The following LRIG1 variants were observed in gnomAD, a reference collection of about 807,000 sequenced individuals.
The protein encoded by LRIG1 is leucine rich repeats and immunoglobulin like domains 1, also known as leucine-rich repeats and immunoglobulin-like domains protein 1.
In LRIG1, 48 loss-of-function variants were observed where a neutral mutation model predicts 99.2. That is an observed-to-expected ratio of 0.48 (90% CI 0.38 to 0.62). LRIG1 has a LOEUF of 0.62. LRIG1 is among the 20% of genes least tolerant of loss of function. The pLI is 0.00. For missense variants in LRIG1, 1,646 were observed against 1,434.4 expected, an observed-to-expected ratio of 1.15 and a Z score of -2.38; for synonymous variants, 772 against 596.1, an observed-to-expected ratio of 1.29 and a Z score of -4.30.
intron 5 of LRIG1, among the ~76,000 whole-genome samples, chr3:66,414,335 T>G (rs528536164): frequency 6.6e-6 from 1 of 151,974 alleles, no homozygotes; most frequent in Non-Finnish European, 1.5e-5. Context: ...GGGCGGAGCT[T>G]GCAGTGAGCT....
intron 2 of LRIG1, among the ~76,000 whole-genome samples, chr3:66,456,223 G>C (rs564806147): frequency 8.0e-4 from 122 of 152,276 alleles, no homozygotes; most frequent in African/African-American, 2.8e-3. Context: ...GGTTTTGGGA[G>C]GATCCAGCTG....
At chr3:66,472,845 T>G (rs1038484485) in intron 1 of LRIG1, among the ~76,000 whole-genome samples, 1 of 152,180 alleles carries the variant, frequency 6.6e-6, no homozygotes, top group Non-Finnish European at 1.5e-5. Flanking sequence ...TTCTAAACAC[T>G]CTTGTCTAGG....
At chr3:66,442,318 G>A (rs1251035488) in intron 3 of LRIG1, among the ~76,000 whole-genome samples, 2 of 152,182 alleles carry the variant, frequency 1.3e-5, no homozygotes, top group African/African-American at 4.8e-5. Flanking sequence ...GACACAATAG[G>A]CCCTGCCTTC....
chr3:66,444,212 G>A (rs564662635), intron 3 of LRIG1, among the ~76,000 whole-genome samples: 27 of 152,312 alleles, frequency 1.8e-4, no homozygotes, highest in African/African-American at 3.6e-4. Context: ...CTCACGAAGC[G>A]CTCTCCACCT....
chr3:66,396,550 G>C (rs552156996), intron 11 of LRIG1, among the ~76,000 whole-genome samples: 54 of 152,338 alleles, frequency 3.5e-4, no homozygotes, highest in African/African-American at 1.3e-3. Context: ...CACAGGGCCG[G>C]CTCCAGCGAG....
intron 2 of LRIG1, among the ~76,000 whole-genome samples, chr3:66,453,154 C>A (rs1703962084): frequency 6.6e-6 from 1 of 152,202 alleles, no homozygotes; most frequent in Admixed American, 6.5e-5. Flanking sequence ...CCTATTATTA[C>A]AAGAGACCCC....
At chr3:66,388,799 T>C (rs1701501113) in intron 12 of LRIG1, among the ~76,000 whole-genome samples, 1 of 152,230 alleles carries the variant, frequency 6.6e-6, no homozygotes. Context: ...CCGATGTTTT[T>C]ATTTTAAACA....
intron 3 of LRIG1, among the ~76,000 whole-genome samples, chr3:66,419,157 G>A (rs77582469): frequency 0.011 from 1,699 of 152,248 alleles, 43 homozygotes; most frequent in African/African-American, 0.038. Context: ...GGGCGCCACC[G>A]GCCCAGAAAG....
At chr3:66,462,325 T>A in intron 2 of LRIG1, 113 bp downstream of exon 2, 1 of 752,222 alleles carries the variant, frequency 1.3e-6, no homozygotes, top group Non-Finnish European at 2.4e-6. Flanking sequence ...AAATGTTCCT[T>A]CCTACAAGTT....
At chr3:66,470,028 G>A (rs1700561164) in intron 1 of LRIG1, among the ~76,000 whole-genome samples, 1 of 152,152 alleles carries the variant, frequency 6.6e-6, no homozygotes, top group South Asian at 2.1e-4. Flanking sequence ...TACAAAGCTG[G>A]GCTGCAGGGA....
intron 3 of LRIG1, among the ~76,000 whole-genome samples, chr3:66,437,139 C>T (rs1024323361): frequency 4.6e-5 from 7 of 152,242 alleles, no homozygotes; most frequent in Admixed American, 6.5e-5. Context: ...GGTGGCATCT[C>T]CCAGCATGGG....
At chr3:66,399,904 C>T (rs1264088778) in intron 9 of LRIG1, among the ~76,000 whole-genome samples, 1 of 152,236 alleles carries the variant, frequency 6.6e-6, no homozygotes, top group Non-Finnish European at 1.5e-5. Flanking sequence ...GCTGTCTGCA[C>T]CTGAGATGTC....
intron 11 of LRIG1, among the ~76,000 whole-genome samples, chr3:66,395,137 T>C (rs2107971585): frequency 6.6e-6 from 1 of 152,338 alleles, no homozygotes; most frequent in African/African-American, 2.4e-5. Flanking sequence ...TAAAGAATGA[T>C]GGCTGGCCCA....
chr3:66,417,827 G>T lies in LRIG1; in HGVS notation c.366-561C>A, dbSNP rs905514375. Among the ~76,000 whole-genome samples the T allele has an allele frequency of 2.0e-5, 3 of 151,780 alleles. No individual in the cohort carries two copies. In the South Asian group the frequency reaches 6.2e-4, roughly 32 times the overall value. ...AAAAAAAAGATTACGACAAAATCCT[G>T]ACAATGTAAAATGGGAAAGAGGAGC... On this transcript the variant is annotated intron_variant, in intron 3 of 18. Transcript: ENST00000273261.
intron 3 of LRIG1, 70 bp downstream of exon 3, chr3:66,451,489 G>C: frequency 7.6e-7 from 1 of 1,317,132 alleles, no homozygotes; most frequent in South Asian, 1.2e-5. Flanking sequence ...CCTGCCACCA[G>C]GTATCAGCAA....
At chr3:66,445,004 G>T (rs1703669938) in intron 3 of LRIG1, among the ~76,000 whole-genome samples, 1 of 149,836 alleles carries the variant, frequency 6.7e-6, no homozygotes, top group Non-Finnish European at 1.5e-5. Flanking sequence ...GGTTTTTTTT[G>T]ACTAGGCCTG....
At chr3:66,453,485 T>C (rs772024036) in intron 2 of LRIG1, among the ~76,000 whole-genome samples, 7 of 152,210 alleles carry the variant, frequency 4.6e-5, no homozygotes, top group Non-Finnish European at 7.4e-5. Context: ...CCAGGGTGCC[T>C]AGCCCCAAAG....
intron 1 of LRIG1, among the ~76,000 whole-genome samples, chr3:66,469,907 C>CAAAAAAAAAAAAAAA (rs55768550): frequency 8.6e-6 from 1 of 115,808 alleles, no homozygotes; most frequent in African/African-American, 3.5e-5. Flanking sequence ...CTGTCCCTAC[C>CAAAAAAAAAAAAAAA]AAAAAAAAAA....
chr3:66,426,858 G>A (rs1477850489), intron 3 of LRIG1, among the ~76,000 whole-genome samples: 4 of 152,084 alleles, frequency 2.6e-5, no homozygotes, highest in South Asian at 4.2e-4. Context: ...GTGCCCTTCC[G>A]CCCTTCCAGA....
Sources: gnomAD v4.1 joint callset for allele counts (sites outside exome capture counted in the v4.1 genomes callset) on GRCh38, gnomAD v4.1.1 for gene constraint, MANE v1.5 for transcripts, NCBI Gene and HGNC (gene_info 2026-07-23, HGNC 2026-07-21) for gene names.